SP140: variants seen among roughly 807,000 people sequenced by gnomAD.
SP140 encodes SP140 nuclear body protein, also known as nuclear body protein SP140.
A neutral mutation model predicts 125.0 loss-of-function variants in SP140; 81 were observed. The observed-to-expected ratio is 0.65, with a 90% CI of 0.54 to 0.78. The LOEUF (loss-of-function observed/expected upper bound fraction) is 0.78, where lower values mean the gene tolerates loss of function less well. Among genes scored for constraint, SP140 ranks in the 30% least tolerant of loss-of-function variants. The pLI is 0.00. For synonymous variants in SP140, 312 were observed against 354.0 expected (o/e 0.88, Z 1.33); for missense variants, 858 against 1,037.0 (o/e 0.83, Z 2.37).
chr2:230,278,388 T>G (rs1446067130), intron 15 of SP140, among the ~76,000 whole-genome samples: 1 of 152,110 alleles, frequency 6.6e-6, no homozygotes, highest in Non-Finnish European at 1.5e-5. Flanking sequence ...TCCTTATATA[T>G]ATTTAGGTAG....
chr2:230,282,205 A>G (rs2055674667), intron 15 of SP140, among the ~76,000 whole-genome samples: 2 of 152,200 alleles, frequency 1.3e-5, no homozygotes, highest in African/African-American at 4.8e-5. Context: ...TTCTGGAGGC[A>G]TCTCCTCTGG....
At chr2:230,240,052 G>C (rs1312985300) in intron 3 of SP140, among the ~76,000 whole-genome samples, 1 of 152,124 alleles carries the variant, frequency 6.6e-6, no homozygotes, top group African/African-American at 2.4e-5. Context: ...CACTGCCTCA[G>C]ACTATGAGTA....
chr2:230,287,510 A>G (rs1365041208), intron 17 of SP140, among the ~76,000 whole-genome samples: 1 of 152,166 alleles, frequency 6.6e-6, no homozygotes, highest in African/African-American at 2.4e-5. Context: ...GATCTTGCAA[A>G]GATTAAATAA....
chr2:230,204,837 A>C (rs1322027521), intron 1 of SP140, among the ~76,000 whole-genome samples: 1 of 152,218 alleles, frequency 6.6e-6, no homozygotes, highest in East Asian at 1.9e-4. Context: ...AGATAACTAA[A>C]CATTTATGGG....
rs1208787751 is a variant in SP140 at position 230,213,178 on chromosome 2, A to C, written c.-322-476A>C. 7.7e-6 allele frequency: 6 copies of C among 777,994 alleles called. No individual in the cohort carries two copies. In the South Asian group the frequency reaches 9.0e-5, roughly 12 times the overall value. The allele number at this position is 777,994 out of a possible 1,614,324, so 48.2% of individuals were successfully genotyped here. On this transcript the variant is annotated intron_variant, in intron 1 of 4. Transcript: ENST00000456542. ...AGAGAACTGATTCATTGTCATCATT[A>C]TCCATTTGTGGCCCCTTAATATTTT... is the stretch of plus-strand genomic sequence containing the variant.
At chr2:230,189,811 G>T in the SP140 span, among the ~76,000 whole-genome samples, 37,660 of 152,098 alleles carry the variant, frequency 0.25, 5,859 homozygotes, top group Non-Finnish European at 0.35. Flanking sequence ...TTCTGTTCCT[G>T]TGTTACTTTG....
chr2:230,259,081 GTTTATTTATTTA>G (rs202001502), intron 12 of SP140, among the ~76,000 whole-genome samples: 17 of 151,998 alleles, frequency 1.1e-4, no homozygotes, highest in Non-Finnish European at 1.9e-4. Context: ...TGGCCTGTTT[GTTTATTTATTTA>G]TTTATTTATT....
chr2:230,193,493 C>T, the SP140 span, among the ~76,000 whole-genome samples: 1 of 152,154 alleles, frequency 6.6e-6, no homozygotes, highest in Non-Finnish European at 1.5e-5. Context: ...TGGTGCATAT[C>T]AATCTTTCGT....
chr2:230,223,669 A>G (rs1221451253), upstream of SP140, among the ~76,000 whole-genome samples: 1 of 152,228 alleles, frequency 6.6e-6, no homozygotes, highest in Non-Finnish European at 1.5e-5. Context: ...AAAACAGTGA[A>G]CATCCCCATT....
At chr2:230,295,733 C>A (rs554167861) in intron 21 of SP140, among the ~76,000 whole-genome samples, 1 of 152,196 alleles carries the variant, frequency 6.6e-6, no homozygotes. Flanking sequence ...AGCATCTCTG[C>A]TCATGACAAG....
At chr2:230,291,616 A>G (rs759307281) in intron 19 of SP140, among the ~76,000 whole-genome samples, 9 of 152,236 alleles carry the variant, frequency 5.9e-5, no homozygotes, top group Non-Finnish European at 1.2e-4. Context: ...TTTATTGACA[A>G]ATAATATATG....
At chr2:230,188,349 G>A in the SP140 span, among the ~76,000 whole-genome samples, 7 of 152,262 alleles carry the variant, frequency 4.6e-5, no homozygotes, top group South Asian at 6.2e-4. Flanking sequence ...TGTAACCTGA[G>A]ACTTTACTGG....
chr2:230,238,085 A>G, intron 2 of SP140, 128 bp from the exon 3 acceptor site: 1 of 634,294 alleles, frequency 1.6e-6, no homozygotes, highest in Non-Finnish European at 2.7e-6. Flanking sequence ...GAGGACATTT[A>G]AGAAGTCATC....
chr2:230,216,425 A>G (rs929309357), intron 3 of SP140, among the ~76,000 whole-genome samples: 7 of 152,194 alleles, frequency 4.6e-5, no homozygotes, highest in African/African-American at 1.7e-4. Context: ...TCCAACAGCT[A>G]CCAGAAGCTA....
intron 22 of SP140, among the ~76,000 whole-genome samples, chr2:230,305,361 G>A (rs2149579277): frequency 6.6e-6 from 1 of 152,354 alleles, no homozygotes; most frequent in South Asian, 2.1e-4. Context: ...CCTTAAAGAA[G>A]TATAAGTAGA....
chr2:230,240,963 A>G (rs1387572331), intron 3 of SP140, among the ~76,000 whole-genome samples: 1 of 152,234 alleles, frequency 6.6e-6, no homozygotes, highest in Non-Finnish European at 1.5e-5. Context: ...AATACTATTC[A>G]GCAATAAAAA....
At chr2:230,292,901 G>A (rs1310902023) in intron 20 of SP140, 113 bp downstream of exon 20, 31 of 1,482,776 alleles carry the variant, frequency 2.1e-5, no homozygotes, top group Middle Eastern at 2.5e-4. Flanking sequence ...GATGCCAGTG[G>A]GTTTATCCTC....
chr2:230,238,433 G>GATTC (rs780280894), intron 3 of SP140, 52 bp downstream of exon 3: 109 of 1,501,712 alleles, frequency 7.3e-5, no homozygotes, highest in Non-Finnish European at 9.7e-5. Context: ...TTCATTCATT[G>GATTC]ATTCATTCAT....
intron 15 of SP140, among the ~76,000 whole-genome samples, chr2:230,274,618 T>A (rs1467362532): frequency 6.6e-6 from 1 of 152,164 alleles, no homozygotes; most frequent in Non-Finnish European, 1.5e-5. Context: ...ACCACAAATC[T>A]GTGATTTTTT....
Sources: allele counts gnomAD v4.1 joint callset (sites outside exome capture counted in the v4.1 genomes callset), GRCh38; gene constraint gnomAD v4.1.1; transcripts MANE v1.5; gene names NCBI Gene and HGNC (gene_info 2026-07-23, HGNC 2026-07-21).